The following CCDC144A variants were observed in gnomAD, a reference collection of about 807,000 sequenced individuals.
CCDC144A encodes the protein coiled-coil domain containing 144A, also known as coiled-coil domain-containing protein 144A.
Under a neutral mutation model 143.8 loss-of-function variants are expected in CCDC144A, and 41 were observed. The observed-to-expected ratio is 0.29, with a 90% confidence interval of 0.22 to 0.37. The LOEUF (loss-of-function observed/expected upper bound fraction) is 0.37. Ranked by LOEUF, CCDC144A falls within the 10% of genes least tolerant of loss-of-function variation. CCDC144A has a pLI of 1.00. For missense variants in CCDC144A, 637 were observed against 1,488.8 expected (o/e 0.43, Z 9.41); for synonymous variants, 242 against 517.9 (o/e 0.47, Z 7.23).
chr17:16,776,905 A>G lies in CCDC144A; in HGVS notation c.*3272A>G, dbSNP rs1369035108. Reference sequence around the variant, plus strand: ...GGCCTAAATGCTCCACTTAAAAGATATAGAATGGCAGAATGGGTAAGAATT... The same window carrying G: ...GGCCTAAATGCTCCACTTAAAAGATGTAGAATGGCAGAATGGGTAAGAATT... On this transcript the variant is annotated 3_prime_UTR_variant, in exon 17 of 17. Transcript: ENST00000399273. 1 of 150,626 alleles carries G rather than the reference A, an allele frequency of 6.6e-6. No individual in the cohort carries two copies. The highest frequency in any genetic ancestry group is 2.5e-5 in the African/African-American group (1 of 40,804). The allele number at this position is 150,626 out of a possible 1,614,324, so 9.3% of individuals were successfully genotyped here. A position where few individuals can be genotyped will look rare whatever the true frequency, so the allele number is the denominator to read the frequency against.
chr17:16,753,427 A>C (rs1244625937), intron 12 of CCDC144A, among the ~76,000 whole-genome samples: 1 of 43,488 alleles, frequency 2.3e-5, no homozygotes, highest in African/African-American at 8.9e-5. Context: ...AGTGTTTTGT[A>C]GTTTTTTTTT....
chr17:16,669,945 G>A, the CCDC144A span, among the ~76,000 whole-genome samples: 1 of 152,146 alleles, frequency 6.6e-6, no homozygotes, highest in Admixed American at 6.5e-5. Context: ...CCCTTTGGGA[G>A]GCTGAGGGGG....
intron 3 of CCDC144A, 124 bp downstream of exon 3, chr17:16,705,523 T>C: frequency 1.2e-6 from 1 of 819,378 alleles, no homozygotes; most frequent in South Asian, 1.7e-5. Context: ...CCTTTTGCAC[T>C]GAACAGAATA....
intron 11 of CCDC144A, 96 bp from the exon 12 acceptor site, chr17:16,734,594 A>G (rs1913906692): frequency 8.1e-7 from 1 of 1,231,174 alleles, no homozygotes; most frequent in Non-Finnish European, 1.1e-6. Context: ...ATATCCACTT[A>G]TGGCAATCTT....
the CCDC144A span, among the ~76,000 whole-genome samples, chr17:16,682,510 A>C: frequency 6.6e-6 from 1 of 152,020 alleles, no homozygotes; most frequent in South Asian, 2.1e-4. Context: ...TGACACAAAA[A>C]TTAGTAAGAA....
chr17:16,701,728 T>C (rs552191482), intron 2 of CCDC144A, among the ~76,000 whole-genome samples: 28 of 151,912 alleles, frequency 1.8e-4, no homozygotes, highest in African/African-American at 6.5e-4. Flanking sequence ...CAGGATCTGA[T>C]GGCATATGAT....
intron 5 of CCDC144A, among the ~76,000 whole-genome samples, chr17:16,711,044 C>G (rs1912377479): frequency 6.9e-6 from 1 of 143,936 alleles, no homozygotes; most frequent in Admixed American, 7.0e-5. Flanking sequence ...AGAATTCCAC[C>G]CTAGCTCAGC....
chr17:16,698,749 A>T (rs1911558585), intron 2 of CCDC144A, among the ~76,000 whole-genome samples: 3 of 152,238 alleles, frequency 2.0e-5, no homozygotes, highest in Admixed American at 1.3e-4. Context: ...TTCCTCTGAC[A>T]TGGAATCATA....
intron 12 of CCDC144A, among the ~76,000 whole-genome samples, chr17:16,742,109 G>A (rs1251285186): frequency 6.6e-6 from 1 of 151,488 alleles, no homozygotes; most frequent in Non-Finnish European, 1.5e-5. Context: ...AAAAAAATTA[G>A]TTAACCATAT....
intron 2 of CCDC144A, among the ~76,000 whole-genome samples, chr17:16,699,475 A>T (rs1382503337): frequency 9.1e-6 from 1 of 109,728 alleles, no homozygotes; most frequent in Non-Finnish European, 1.8e-5. Context: ...TCCCGGGTTC[A>T]CACCATTCTC....
At chr17:16,671,270 A>T in the CCDC144A span, among the ~76,000 whole-genome samples, 7 of 152,128 alleles carry the variant, frequency 4.6e-5, no homozygotes, top group Non-Finnish European at 7.4e-5. Flanking sequence ...GGTGTGAGCA[A>T]CCATGCCTGG....
intron 12 of CCDC144A, among the ~76,000 whole-genome samples, chr17:16,740,017 G>A (rs1212754289): frequency 2.6e-5 from 4 of 151,750 alleles, no homozygotes; most frequent in Non-Finnish European, 5.9e-5. Context: ...CTCACCCAGT[G>A]CCTCTCTCTT....
intron 4 of CCDC144A, among the ~76,000 whole-genome samples, chr17:16,708,439 C>T (rs116451799): frequency 2.6e-5 from 4 of 152,126 alleles, no homozygotes; most frequent in South Asian, 4.2e-4. Context: ...CAAGTGAGGA[C>T]GCCTTTGTAA....
At chr17:16,737,784 T>C in intron 12 of CCDC144A, 1 of 263,692 alleles carries the variant, frequency 3.8e-6, no homozygotes, top group East Asian at 8.9e-5. Flanking sequence ...ATTTTTATTA[T>C]AATTCATTTT....
At chr17:16,730,870 C>G (rs1186455153) in intron 9 of CCDC144A, among the ~76,000 whole-genome samples, 1 of 143,602 alleles carries the variant, frequency 7.0e-6, no homozygotes, top group Non-Finnish European at 1.5e-5. Flanking sequence ...TTACTGATTT[C>G]ATTGATTAAA....
chr17:16,768,226 A>G (rs1374969447), intron 15 of CCDC144A, among the ~76,000 whole-genome samples: 2 of 152,216 alleles, frequency 1.3e-5, no homozygotes, highest in Non-Finnish European at 2.9e-5. Flanking sequence ...TAAATCATGG[A>G]GGTTTGGGAG....
chr17:16,667,692 A>G, the CCDC144A span, among the ~76,000 whole-genome samples: 152 of 151,778 alleles, frequency 1.0e-3, 1 homozygote, highest in Non-Finnish European at 1.9e-3. Flanking sequence ...AGGATATTTT[A>G]CTGATATAAC....
intron 6 of CCDC144A, among the ~76,000 whole-genome samples, chr17:16,719,347 G>T (rs1912956358): frequency 6.6e-6 from 1 of 152,040 alleles, no homozygotes; most frequent in African/African-American, 2.4e-5. Context: ...TTTTTTGAAA[G>T]TAGGTTTCTA....
chr17:16,722,081 A>T (rs1347017035), intron 8 of CCDC144A, among the ~76,000 whole-genome samples: 1 of 152,110 alleles, frequency 6.6e-6, no homozygotes, highest in Non-Finnish European at 1.5e-5. Flanking sequence ...TTTATCAGAG[A>T]TGCTCTTTAT....
Sources: allele counts gnomAD v4.1 joint callset (sites outside exome capture counted in the v4.1 genomes callset), GRCh38; gene constraint gnomAD v4.1.1; transcripts MANE v1.5; gene names NCBI Gene and HGNC (gene_info 2026-07-23, HGNC 2026-07-21).